The following OTOGL variants were observed in gnomAD, a reference collection of about 807,000 sequenced individuals.
OTOGL encodes otogelin-like protein.
In OTOGL, 285 loss-of-function variants were observed where a neutral mutation model predicts 318.5. That is an observed-to-expected ratio of 0.89 (90% CI 0.81 to 0.99). The LOEUF is 0.99. OTOGL is among the 50% of genes least tolerant of loss of function. The pLI, the probability that OTOGL is intolerant of heterozygous loss-of-function variation, is 0.00. For missense variants in OTOGL, 2,899 were observed against 2,845.6 expected, an observed-to-expected ratio of 1.02 and a Z score of -0.43; for synonymous variants, 987 against 936.5, an observed-to-expected ratio of 1.05 and a Z score of -0.99.
At chr12:80,367,765 G>A in intron 54 of OTOGL, 26 bp downstream of exon 54, 1 of 1,324,250 alleles carries the variant, frequency 7.6e-7, no homozygotes, top group African/African-American at 1.5e-5. Flanking sequence ...AATTTATTCT[G>A]GTGAGAGTTA....
chr12:80,295,344 T>G (rs55925143), intron 26 of OTOGL, among the ~76,000 whole-genome samples: 15,156 of 151,838 alleles, frequency 0.1, 934 homozygotes, highest in African/African-American at 0.17. Flanking sequence ...GCCTGGCTAA[T>G]TTTTGCATTT....
chr12:80,344,354 G>T (rs1259953070), intron 44 of OTOGL, among the ~76,000 whole-genome samples: 2 of 152,114 alleles, frequency 1.3e-5, no homozygotes, highest in Non-Finnish European at 2.9e-5. Context: ...GTCTGTGATA[G>T]CTTCCACTTT....
At chr12:80,270,014 C>A in intron 22 of OTOGL, 88 bp from the exon 23 acceptor site, 1 of 1,084,604 alleles carries the variant, frequency 9.2e-7, no homozygotes, top group Non-Finnish European at 1.3e-6. Flanking sequence ...TCAATCAATT[C>A]TTGTACGTTA....
At chr12:80,320,999 G>A (rs1887298335) in intron 34 of OTOGL, among the ~76,000 whole-genome samples, 1 of 152,084 alleles carries the variant, frequency 6.6e-6, no homozygotes, top group Non-Finnish European at 1.5e-5. Flanking sequence ...TACCAGTGCT[G>A]TCTGGACATT....
At chr12:80,190,125 G>A (rs767005732) in intron 1 of OTOGL, among the ~76,000 whole-genome samples, 1 of 152,160 alleles carries the variant, frequency 6.6e-6, no homozygotes, top group Non-Finnish European at 1.5e-5. Flanking sequence ...GCACATGATG[G>A]CATTAATAGC....
chr12:80,355,229 C>CTT (rs869285817), intron 46 of OTOGL, among the ~76,000 whole-genome samples: 1 of 50,048 alleles, frequency 2.0e-5, no homozygotes, highest in Non-Finnish European at 5.6e-5. Flanking sequence ...TCTTTCTTTT[C>CTT]TTTTTTTTTT....
At position 80,310,514 on chromosome 12, in the gene OTOGL, A is replaced by AT. The variant is rs555288644; in HGVS notation, c.3334-95dup. On this transcript the variant is annotated intron_variant, in intron 29 of 58. Coordinates refer to ENST00000547103, the MANE Select transcript of OTOGL (RefSeq NM_001378609.3). ...ATCCTATCTAAAAGGATGAGAATATATTAGGCGCAATTGTAATGAGTGAAG... is the reference window on the plus strand; with the variant it reads ...ATCCTATCTAAAAGGATGAGAATATATTTAGGCGCAATTGTAATGAGTGAAG... 30 of 739,382 alleles carry AT rather than the reference A, an allele frequency of 4.1e-5. No individual in the cohort carries two copies. In the South Asian group the frequency reaches 5.0e-4, roughly 12 times the overall value. 45.8% of individuals were successfully genotyped at this position (739,382 alleles called of 1,614,324 possible).
chr12:80,210,714 A>C, intron 2 of OTOGL, 133 bp from the exon 3 acceptor site: 1 of 635,546 alleles, frequency 1.6e-6, no homozygotes, highest in South Asian at 3.2e-5. Flanking sequence ...ATCCCTCTAA[A>C]AAATGCAAAA....
intron 1 of OTOGL, among the ~76,000 whole-genome samples, chr12:80,149,792 CG>C (rs1321103172): frequency 6.6e-6 from 1 of 152,182 alleles, no homozygotes; most frequent in African/African-American, 2.4e-5. Context: ...TTAAGCCCGT[CG>C]GAAAAGCGCA....
intron 7 of OTOGL, among the ~76,000 whole-genome samples, chr12:80,225,828 T>C (rs1878787582): frequency 1.3e-5 from 2 of 152,148 alleles, no homozygotes; most frequent in African/African-American, 4.8e-5. Flanking sequence ...TTTCAAAGGA[T>C]ATGTTGATAA....
In OTOGL at chr12:80,239,048, A is replaced by G. The variant is rs533247729; in HGVS notation, c.945+70A>G. 41 of 1,441,130 alleles carry G rather than the reference A, an allele frequency of 2.8e-5. No homozygotes were observed. The African/African-American group carries it at 5.2e-4, about 18-fold the overall frequency. The allele number at this position is 1,441,130 out of a possible 1,614,324, so 89.3% of individuals were successfully genotyped here. A position where few individuals can be genotyped will look rare whatever the true frequency, so the allele number is the denominator to read the frequency against. On this transcript the variant is annotated intron_variant, in intron 10 of 58. Transcript: ENST00000547103. ...ATATATCTTATTTGTATAATTAACTAAGCATTTTTTAGTGTAAACACAACA... is the reference window on the plus strand; with the variant it reads ...ATATATCTTATTTGTATAATTAACTGAGCATTTTTTAGTGTAAACACAACA...
chr12:80,232,832 T>C, intron 8 of OTOGL, 60 bp from the exon 9 acceptor site: 3 of 1,360,972 alleles, frequency 2.2e-6, no homozygotes, highest in Non-Finnish European at 1.0e-6. Context: ...CTTAAAAATA[T>C]GTCATCTGTA....
At chr12:80,205,184 A>G (rs1876727955) in intron 1 of OTOGL, among the ~76,000 whole-genome samples, 2 of 152,252 alleles carry the variant, frequency 1.3e-5, no homozygotes, top group African/African-American at 4.8e-5. Flanking sequence ...AGTGCCTTAC[A>G]TTAATATTTT....
At chr12:80,258,110 C>A (rs1323564926) in intron 18 of OTOGL, 108 bp downstream of exon 18, 5 of 982,050 alleles carry the variant, frequency 5.1e-6, no homozygotes, top group Non-Finnish European at 7.0e-6. Context: ...TGTCATTATC[C>A]CAAGAGATTT....
chr12:80,179,507 A>G (rs1270173885), intron 1 of OTOGL, among the ~76,000 whole-genome samples: 1 of 152,200 alleles, frequency 6.6e-6, no homozygotes, highest in African/African-American at 2.4e-5. Flanking sequence ...TCAAACTCCA[A>G]AGGGGATAAA....
chr12:80,208,532 T>C (rs988827074), intron 1 of OTOGL, among the ~76,000 whole-genome samples: 20 of 152,220 alleles, frequency 1.3e-4, no homozygotes, highest in African/African-American at 4.8e-4. Context: ...TATATAAGCA[T>C]GGTTTTCACT....
chr12:80,270,112 A>G lies in OTOGL; in HGVS notation c.2476A>G (p.Asn826Asp). Residue 826 changes from asparagine (N) to aspartate (D), a missense_variant, in exon 23 of 59, where the codon AAT (asparagine) becomes GAT (aspartate). Physicochemically the swap from Asn to Asp is conservative, Grantham distance 23. Coordinates refer to ENST00000547103, the MANE Select transcript of OTOGL (RefSeq NM_001378609.3). ...PTPSGLCQCS[N>D]GTVKCDELAT... ...TTTATTTACTTCTAGCCAGTGTTCA[A>G]ATGGGACTGTGAAATGTGATGAATT... is the stretch of plus-strand genomic sequence containing the variant. 6.2e-7 allele frequency: 1 copy of G among 1,602,440 alleles called. No homozygotes were observed. The highest frequency in any genetic ancestry group is 1.1e-5 in the South Asian group (1 of 90,574).
chr12:80,367,749 C>A lies in OTOGL; in HGVS notation c.6510+10C>A. On this transcript the variant is annotated intron_variant, in intron 54 of 58. Transcript: ENST00000547103. ...AAAAAAATGTGATGTTGTAAGTATT[C>A]CTTGTAATTTATTCTGGTGAGAGTT... is the stretch of plus-strand genomic sequence containing the variant. The A allele has an allele frequency of 7.4e-7, 1 of 1,359,542 alleles. No individual in the cohort carries two copies. The highest frequency in any genetic ancestry group is 1.8e-5 in the South Asian group (1 of 54,862). The allele number at this position is 1,359,542 out of a possible 1,614,324, so 84.2% of individuals were successfully genotyped here. A position where few individuals can be genotyped will look rare whatever the true frequency, so the allele number is the denominator to read the frequency against.
intron 29 of OTOGL, among the ~76,000 whole-genome samples, chr12:80,309,365 A>C (rs2137781614): frequency 6.6e-6 from 1 of 152,272 alleles, no homozygotes; most frequent in South Asian, 2.1e-4. Context: ...CTGCAGGTGA[A>C]TCTTATAAGA....
Sources: gnomAD v4.1 joint callset for allele counts (sites outside exome capture counted in the v4.1 genomes callset) on GRCh38, gnomAD v4.1.1 for gene constraint, MANE v1.5 for transcripts, NCBI Gene and HGNC (gene_info 2026-07-23, HGNC 2026-07-21) for gene names.